Variants in SLC23A2 observed in about 807,000 individuals in gnomAD.
SLC23A2 encodes solute carrier family 23 member 2.
Under a neutral mutation model 73.3 loss-of-function variants are expected in SLC23A2, and 36 were observed. The ratio of observed to expected loss-of-function variants is 0.49; its 90% CI spans 0.38 to 0.65. The LOEUF (loss-of-function observed/expected upper bound fraction) is 0.65, where lower values mean the gene tolerates loss of function less well. Among genes scored for constraint, SLC23A2 ranks in the 30% least tolerant of loss-of-function variants. The pLI is 0.00. For synonymous variants in SLC23A2, 343 were observed against 327.3 expected (o/e 1.05, Z -0.52); for missense variants, 507 against 841.6 (o/e 0.60, Z 4.92).
Position 4,902,565 on chromosome 20 carries a change from GC to G in SLC23A2, c.208-8del. The stretch of plus-strand genomic sequence containing the variant: ...GGGTCTCAGCGAGAGAGCTCTGCGA[GC>G]CAGAAGGAGAAAAGAAGGTGCTCAT... On this transcript the variant is annotated splice_polypyrimidine_tract_variant and splice_region_variant and intron_variant, in intron 4 of 16. Transcript: ENST00000338244. This position sits in a 1 kb window ranked among gnomAD's most constrained non-coding sequence, Gnocchi z 4.0. The G allele has an allele frequency of 6.5e-7, 1 of 1,541,098 alleles. No homozygotes were observed. Among genetic ancestry groups the G allele is most frequent in the Non-Finnish European group, 8.9e-7 (1 of 1,119,752 alleles).
In SLC23A2 at chr20:4,855,344, G is replaced by A. The variant is rs1328101716; in HGVS notation, c.*1628C>T. The A allele has an allele frequency of 6.6e-6, 1 of 152,276 alleles. No individual in the cohort carries two copies. Among genetic ancestry groups the A allele is most frequent in the Non-Finnish European group, 1.5e-5 (1 of 68,128 alleles). 9.4% of individuals were successfully genotyped at this position (152,276 alleles called of 1,614,324 possible). A position where few individuals can be genotyped will look rare whatever the true frequency, so the allele number is the denominator to read the frequency against. The stretch of plus-strand genomic sequence containing the variant: ...CTGCCAAGAACCATGCCCTGCCGCT[G>A]GAGACAGGAGACAGGCACCCACGCA... On this transcript the variant is annotated 3_prime_UTR_variant, in exon 17 of 17. Coordinates refer to ENST00000338244, the MANE Select transcript of SLC23A2 (RefSeq NM_005116.6).
intron 5 of SLC23A2, among the ~76,000 whole-genome samples, chr20:4,900,409 G>A (rs1044809134): frequency 3.9e-5 from 6 of 152,150 alleles, no homozygotes; most frequent in African/African-American, 1.4e-4. Context: ...GTGATGTGCT[G>A]AACTATTCTT....
At chr20:4,890,944 TGG>T (rs775545954) in intron 6 of SLC23A2, among the ~76,000 whole-genome samples, 1 of 151,928 alleles carries the variant, frequency 6.6e-6, no homozygotes, top group Non-Finnish European at 1.5e-5. Context: ...TTTCAGGGAG[TGG>T]GGACTTAGGA....
At chr20:4,931,043 C>G (rs2000248) in intron 3 of SLC23A2, among the ~76,000 whole-genome samples, 41 of 76,990 alleles carry the variant, frequency 5.3e-4, no homozygotes, top group African/African-American at 2.0e-3. Context: ...ATATATTTTT[C>G]TTAAAATAAC....
Position 4,857,180 on chromosome 20 carries a change from C to T in SLC23A2, c.1745G>A (p.Arg582Gln), listed in dbSNP as rs373607688. The change falls in exon 17 of 17, where the codon CGG (arginine) becomes CAG (glutamine). Residue 582 changes from arginine to glutamine, a missense_variant. Transcript: ENST00000338244. The surrounding 1 kb of genome is among the most constrained non-coding windows in gnomAD (Gnocchi z 4.0). Reference sequence around the variant, plus strand: ...TTTGCCCACACCCTTCTTCCATTTCCGGATTCCTCTTTCCTCTGGAGTGCC... The same window carrying T: ...TTTGCCCACACCCTTCTTCCATTTCTGGATTCCTCTTTCCTCTGGAGTGCC... ...IPGTPEERGI[R>Q]KWKKGVGKGN... 1.4e-5 allele frequency: 22 copies of T among 1,608,044 alleles called. No individual in the cohort carries two copies. Among genetic ancestry groups the T allele is most frequent in the Middle Eastern group, 1.7e-4 (1 of 6,042 alleles).
At chr20:4,972,169 C>T (rs1600188664) in intron 1 of SLC23A2, among the ~76,000 whole-genome samples, 3 of 152,156 alleles carry the variant, frequency 2.0e-5, no homozygotes, top group South Asian at 2.1e-4. Context: ...TGAAGAAAAA[C>T]GTGCAAGGCA....
At chr20:4,993,179 G>C (rs1211358064) in intron 1 of SLC23A2, among the ~76,000 whole-genome samples, 3 of 151,820 alleles carry the variant, frequency 2.0e-5, no homozygotes, top group African/African-American at 7.3e-5. Context: ...AGCTCCTAGG[G>C]AGGCTGAGGC....
chr20:4,972,862 GCACA>G lies in SLC23A2; in HGVS notation c.-281-1947_-281-1944del, dbSNP rs1433373966. On this transcript the variant is annotated intron_variant, in intron 1 of 16. Transcript: ENST00000338244. ...GGCTCCCAAAGTGCTGGGATTACAG[GCACA>G]AGCCACTATGCCAAGCCTTAAGCTA... Among the ~76,000 whole-genome samples, 1,455 of 151,730 alleles carry G rather than the reference GCACA, an allele frequency of 9.6e-3. 28 individuals carry two copies. Among genetic ancestry groups the G allele is most frequent in the East Asian group, 0.04 (204 of 5,114 alleles).
intron 2 of SLC23A2, among the ~76,000 whole-genome samples, chr20:4,948,884 A>C: frequency 6.6e-6 from 1 of 152,368 alleles, no homozygotes; most frequent in South Asian, 2.1e-4. Flanking sequence ...TTAAAAATAT[A>C]TCTGCACTCA....
intron 2 of SLC23A2, among the ~76,000 whole-genome samples, chr20:4,969,829 C>G (rs912071048): frequency 6.6e-6 from 1 of 152,068 alleles, no homozygotes; most frequent in African/African-American, 2.4e-5. Context: ...ATACATGTAT[C>G]AAATTTTAAA....
At chr20:4,932,362 T>G in intron 3 of SLC23A2, 93 bp downstream of exon 3, 1 of 803,600 alleles carries the variant, frequency 1.2e-6, no homozygotes, top group South Asian at 1.4e-5. Flanking sequence ...TAACCTTCAC[T>G]GAAAACATGA....
At position 4,870,078 on chromosome 20, in the gene SLC23A2, T is replaced by C. The variant is rs369274883; in HGVS notation, c.1103-25A>G. Reference sequence around the variant, plus strand: ...ACTGTGGGAGGAAAACAACCATGAATGCTCCTAGAGAGGCAGGCGAAAGTG... The same window carrying C: ...ACTGTGGGAGGAAAACAACCATGAACGCTCCTAGAGAGGCAGGCGAAAGTG... On this transcript the variant is annotated intron_variant, in intron 11 of 16. Transcript: ENST00000338244. The C allele has an allele frequency of 3.1e-4, 486 of 1,576,292 alleles. 1 individual carries two copies. The highest frequency in any genetic ancestry group is 4.1e-4 in the Non-Finnish European group (481 of 1,160,098).
chr20:4,980,864 A>T (rs2122265075), intron 1 of SLC23A2, among the ~76,000 whole-genome samples: 1 of 152,284 alleles, frequency 6.6e-6, no homozygotes, highest in Admixed American at 6.5e-5. Context: ...CAGATAAAAG[A>T]ATATTCAATG....
At chr20:4,984,360 C>T (rs1333542190) in intron 1 of SLC23A2, among the ~76,000 whole-genome samples, 2 of 152,016 alleles carry the variant, frequency 1.3e-5, no homozygotes. Context: ...CGAGACCATC[C>T]TGGCTAACAC....
intron 2 of SLC23A2, among the ~76,000 whole-genome samples, chr20:4,944,029 T>C (rs1447866744): frequency 6.6e-6 from 1 of 152,188 alleles, no homozygotes; most frequent in East Asian, 1.9e-4. Flanking sequence ...GATGGAACCT[T>C]TGGAATGATA....
intron 11 of SLC23A2, among the ~76,000 whole-genome samples, chr20:4,870,386 G>A (rs1386795432): frequency 6.6e-6 from 1 of 152,128 alleles, no homozygotes; most frequent in Non-Finnish European, 1.5e-5. Context: ...AGACCAGCCT[G>A]GCCAACAAGG....
rs376768480 is a variant in SLC23A2, at chr20:5,006,804, G to C, written c.-282+3378C>G. Among the ~76,000 whole-genome samples the C allele has an allele frequency of 4.6e-5, 7 of 152,204 alleles. No individual in the cohort carries two copies. In the South Asian group the frequency reaches 8.3e-4, roughly 18 times the overall value. ...GAACCACCTGCCTTGGCCTCCCAAAGTGCTGGGATTATAGGAGTGAGCCAC... is the reference window on the plus strand; with the variant it reads ...GAACCACCTGCCTTGGCCTCCCAAACTGCTGGGATTATAGGAGTGAGCCAC... On this transcript the variant is annotated intron_variant, in intron 1 of 16. Coordinates refer to the SLC23A2 transcript ENST00000379333.
At chr20:5,000,843 G>T (rs2088108290) in intron 1 of SLC23A2, among the ~76,000 whole-genome samples, 1 of 152,228 alleles carries the variant, frequency 6.6e-6, no homozygotes, top group Admixed American at 6.5e-5. Flanking sequence ...AGGCCCCGGG[G>T]TCGGAGGAGC....
At chr20:5,009,256 A>G (rs780610435) in intron 1 of SLC23A2, among the ~76,000 whole-genome samples, 9 of 151,984 alleles carry the variant, frequency 5.9e-5, no homozygotes, top group Non-Finnish European at 1.0e-4. Context: ...CCTTCAAAAA[A>G]GGTGTTGGGG....
Sources: gnomAD v4.1 joint callset for allele counts (sites outside exome capture counted in the v4.1 genomes callset) on GRCh38, gnomAD v4.1.1 for gene constraint, Gnocchi (gnomAD v3.1) non-coding constraint, MANE v1.5 for transcripts, NCBI Gene and HGNC (gene_info 2026-07-23, HGNC 2026-07-21) for gene names.